Variants in SLC16A2 observed in about 807,000 individuals in gnomAD.
The protein encoded by SLC16A2 is solute carrier family 16 member 2, also known as monocarboxylate transporter 8.
In SLC16A2, 3 loss-of-function variants were observed where a neutral mutation model predicts 27.2. The ratio of observed to expected loss-of-function variants is 0.11; its 90% CI spans 0.05 to 0.28. The LOEUF (loss-of-function observed/expected upper bound fraction) is 0.28, where lower values mean the gene tolerates loss of function less well. SLC16A2 is among the 10% of genes least tolerant of loss of function. The pLI, the probability that SLC16A2 is intolerant of heterozygous loss-of-function variation, is 1.00. For missense variants in SLC16A2, 295 were observed against 458.5 expected (o/e 0.64, Z 3.26); for synonymous variants, 202 against 187.8 (o/e 1.08, Z -0.62).
chrX:74,526,313 C>T (rs1930486805), intron 4 of SLC16A2, among the ~76,000 whole-genome samples: 1 of 111,353 alleles, frequency 9.0e-6, no homozygotes, highest in Non-Finnish European at 1.9e-5. Flanking sequence ...AAGTGGTACC[C>T]AAGTGCAGAG....
At chrX:74,475,329 T>C (rs1441280031) in intron 1 of SLC16A2, among the ~76,000 whole-genome samples, 1 of 62,823 alleles carries the variant, frequency 1.6e-5, no homozygotes, top group African/African-American at 1.0e-4. Flanking sequence ...ATGGAGTTGT[T>C]TGTTTTTTTC....
chrX:74,454,466 C>G (rs1432215332), intron 1 of SLC16A2, among the ~76,000 whole-genome samples: 1 of 109,080 alleles, frequency 9.2e-6, no homozygotes, highest in Non-Finnish European at 1.9e-5. Context: ...TCTCAGCAAA[C>G]TATCGCAAGG....
chrX:74,425,883 C>G (rs190599358), intron 1 of SLC16A2, among the ~76,000 whole-genome samples: 72 of 111,815 alleles, frequency 6.4e-4, no homozygotes, highest in African/African-American at 2.3e-3. Context: ...TGTAAGCTCC[C>G]AAGGGGGGTC....
chrX:74,473,983 C>T (rs1237530490), intron 1 of SLC16A2: 2 of 283,499 alleles, frequency 7.1e-6, no homozygotes, highest in Admixed American at 5.6e-5. Flanking sequence ...ACTTTAATGA[C>T]GCTTCCTCAG....
At position 74,421,862 on chromosome X, in the gene SLC16A2, C is replaced by T. The variant is rs773394262; in HGVS notation, c.225C>T (p.His75=). 1 of 1,207,459 alleles carries T rather than the reference C, an allele frequency of 8.3e-7. No individual in the cohort carries two copies. The highest frequency in any genetic ancestry group is 3.0e-5 in the East Asian group (1 of 33,709). The stretch of plus-strand genomic sequence containing the variant: ...TGGAGTTCGAGTCCGAGCGGGTGCA[C>T]GAACCCGAGCCCACGCCTACGGTAG... ...PELEFESERV[H]EPEPTPTVET... Residue 75 remains histidine, a synonymous_variant, in exon 1 of 6, where the codon CAC becomes CAT. Transcript: ENST00000587091.
At chrX:74,460,600 GGCCTGTACCCAGGGTCTA>G (rs1929120610) in intron 1 of SLC16A2, among the ~76,000 whole-genome samples, 2 of 112,245 alleles carry the variant, frequency 1.8e-5, no homozygotes, top group Non-Finnish European at 3.8e-5. Context: ...CCTAGAGCCT[GGCCTGTACCCAGGGTCTA>G]GCCTTGGGCC....
At chrX:74,508,999 G>T (rs1930182061) in intron 1 of SLC16A2, among the ~76,000 whole-genome samples, 1 of 111,504 alleles carries the variant, frequency 9.0e-6, no homozygotes, top group African/African-American at 3.3e-5. Context: ...GTCTCACTCT[G>T]TTGCCCAGGC....
intron 1 of SLC16A2, among the ~76,000 whole-genome samples, chrX:74,440,522 CTTTTTTTTTTT>C (rs34468845): frequency 2.9e-5 from 2 of 70,031 alleles, no homozygotes; most frequent in South Asian, 6.8e-4. Flanking sequence ...ATATAAATTC[CTTTTTTTTTTT>C]TTTTTTTTTT....
chrX:74,525,636 T>C (rs1000879129), intron 3 of SLC16A2, 114 bp from the exon 4 acceptor site: 13 of 883,452 alleles, frequency 1.5e-5, no homozygotes, highest in African/African-American at 7.9e-5. Flanking sequence ...GAGAGGGGGT[T>C]TCTGTCCTGC....
In SLC16A2 at chrX:74,505,563, C is replaced by T. The variant is rs73625804; in HGVS notation, c.431-15427C>T. Among the ~76,000 whole-genome samples, 521 of 112,053 alleles carry T rather than the reference C, an allele frequency of 4.6e-3. 8 individuals are homozygous for T. The highest frequency in any genetic ancestry group is 0.016 in the African/African-American group (496 of 30,869). ...TGGCCTAAGTGGTCTCTTGAGATTT[C>T]CTGCAGGCTTTCATGCTTCATGAAG... On this transcript the variant is annotated intron_variant, in intron 1 of 5. Transcript: ENST00000587091.
chrX:74,466,096 C>T (rs910882422), intron 1 of SLC16A2, among the ~76,000 whole-genome samples: 3 of 111,571 alleles, frequency 2.7e-5, no homozygotes, highest in African/African-American at 9.8e-5. Context: ...CCCAGGCCCA[C>T]AGGGTTTCAG....
chrX:74,468,579 G>C (rs1929294633), intron 1 of SLC16A2, among the ~76,000 whole-genome samples: 1 of 110,163 alleles, frequency 9.1e-6, no homozygotes, highest in Admixed American at 9.8e-5. Flanking sequence ...GCTATGAGAA[G>C]TCCAGTACAA....
intron 1 of SLC16A2, among the ~76,000 whole-genome samples, chrX:74,487,369 G>C (rs1338934152): frequency 9.0e-6 from 1 of 111,353 alleles, no homozygotes; most frequent in Non-Finnish European, 1.9e-5. Context: ...CATATTAACT[G>C]CTTCATCTGG....
chrX:74,437,657 C>T lies in SLC16A2; in HGVS notation c.430+15590C>T, dbSNP rs191158500. 7.5e-4 allele frequency among the ~76,000 whole-genome samples: 84 copies of T among 112,283 alleles called. No individual in the cohort carries two copies. In the East Asian group the frequency reaches 0.02, roughly 26 times the overall value. On this transcript the variant is annotated intron_variant, in intron 1 of 5. Coordinates refer to ENST00000587091, the MANE Select transcript of SLC16A2 (RefSeq NM_006517.5). ...GCCTGGATAACGGAGGTCAGCAGGA[C>T]TCCAGACAGGTTTATTTGCTGCCTT...
intron 1 of SLC16A2, among the ~76,000 whole-genome samples, chrX:74,434,223 T>TA (rs1045149740): frequency 2.2e-4 from 24 of 110,580 alleles, no homozygotes; most frequent in South Asian, 1.5e-3. Flanking sequence ...GCTAAGTAGT[T>TA]AAAAAAAAAG....
At chrX:74,511,757 G>C (rs1215062107) in intron 1 of SLC16A2, among the ~76,000 whole-genome samples, 1 of 112,265 alleles carries the variant, frequency 8.9e-6, no homozygotes, top group African/African-American at 3.2e-5. Flanking sequence ...TTTCAACACA[G>C]TGTTTGTCAG....
chrX:74,453,688 A>G (rs1420332974), intron 1 of SLC16A2, among the ~76,000 whole-genome samples: 4 of 110,567 alleles, frequency 3.6e-5, no homozygotes, highest in Non-Finnish European at 7.6e-5. Flanking sequence ...GACCTGCTCC[A>G]TTTCTGACCT....
intron 5 of SLC16A2, among the ~76,000 whole-genome samples, chrX:74,530,901 A>C (rs1181209523): frequency 2.7e-5 from 3 of 111,098 alleles, no homozygotes; most frequent in African/African-American, 9.8e-5. Context: ...ACTTCAGAGA[A>C]GGGTCACTTC....
chrX:74,466,619 AT>A (rs1044995779), intron 1 of SLC16A2, among the ~76,000 whole-genome samples: 47 of 111,317 alleles, frequency 4.2e-4, no homozygotes, highest in African/African-American at 1.5e-3. Flanking sequence ...ACAGTCATCC[AT>A]TTTTTTTCAA....
Sources: gnomAD v4.1 joint callset for allele counts (sites outside exome capture counted in the v4.1 genomes callset) on GRCh38, gnomAD v4.1.1 for gene constraint, MANE v1.5 for transcripts, NCBI Gene and HGNC (gene_info 2026-07-23, HGNC 2026-07-21) for gene names.